Variants in SPON1 observed in about 807,000 individuals in gnomAD.
The protein encoded by SPON1 is spondin-1.
In SPON1, 52 loss-of-function variants were observed where a neutral mutation model predicts 111.7. The ratio of observed to expected loss-of-function variants is 0.47; its 90% confidence interval spans 0.37 to 0.59. SPON1 has a LOEUF of 0.59. SPON1 is among the 20% of genes least tolerant of loss of function. SPON1 has a pLI of 0.00. For missense variants in SPON1, 957 were observed against 1,068.5 expected, an observed-to-expected ratio of 0.90 and a Z score of 1.46; for synonymous variants, 410 against 395.8, an observed-to-expected ratio of 1.04 and a Z score of -0.43.
At position 14,011,782 on chromosome 11, in the gene SPON1, G is replaced by A. The variant is rs114129283; in HGVS notation, c.345+28829G>A. On this transcript the variant is annotated intron_variant, in intron 2 of 15. Transcript: ENST00000576479. ...TAGAGAGTGGATGAGGATGGAAGAG[G>A]AGGAGTGTTGCTTGGAGAGGCCTGG... 5.2e-3 allele frequency among the ~76,000 whole-genome samples: 797 copies of A among 152,262 alleles called. 9 individuals carry two copies. The highest frequency in any genetic ancestry group is 0.018 in the African/African-American group (736 of 41,536).
In SPON1 at chr11:14,204,219, G is replaced by A. The variant is rs58453997; in HGVS notation, c.826-39113G>A. On this transcript the variant is annotated intron_variant, in intron 6 of 15. Transcript: ENST00000576479. ...CAGGGACTGAGGGAGGAAGGGTACA[G>A]CTCTTGGGCACATCCCCTTGGCTCC... Among the ~76,000 whole-genome samples, 1,049 of 152,320 alleles carry A rather than the reference G, an allele frequency of 6.9e-3. 13 individuals are homozygous for A. Among genetic ancestry groups the A allele is most frequent in the African/African-American group, 0.025 (1,022 of 41,568 alleles).
chr11:14,054,696 T>C (rs1848731828), intron 3 of SPON1, among the ~76,000 whole-genome samples: 1 of 151,882 alleles, frequency 6.6e-6, no homozygotes, highest in African/African-American at 2.4e-5. Context: ...GAATGGGGAA[T>C]GATGGGGGTG....
intron 5 of SPON1, among the ~76,000 whole-genome samples, chr11:14,129,286 T>C (rs1227846889): frequency 3.9e-5 from 6 of 152,200 alleles, no homozygotes; most frequent in African/African-American, 1.4e-4. Flanking sequence ...CATATGACTA[T>C]ATGCTTTTAG....
chr11:14,187,371 C>A (rs1336279459), intron 6 of SPON1, among the ~76,000 whole-genome samples: 4 of 152,178 alleles, frequency 2.6e-5, no homozygotes, highest in African/African-American at 9.7e-5. Flanking sequence ...ACCTGTCTGA[C>A]CCCATAGCCT....
chr11:14,172,438 C>G lies in SPON1; in HGVS notation c.825+36870C>G, dbSNP rs1392659873. Among the ~76,000 whole-genome samples the G allele has an allele frequency of 9.5e-4, 144 of 151,712 alleles. 2 individuals carry two copies. Among genetic ancestry groups the G allele is most frequent in the African/African-American group, 2.6e-3 (107 of 41,388 alleles). On this transcript the variant is annotated intron_variant, in intron 6 of 15. Transcript: ENST00000576479. ...TACAGCACACTGATGGGTCTTGACT[C>G]TTTATCCAATTTGCCAGTCTGTGTC...
At chr11:14,127,483 T>C (rs1438944827) in intron 5 of SPON1, among the ~76,000 whole-genome samples, 1 of 152,138 alleles carries the variant, frequency 6.6e-6, no homozygotes, top group Non-Finnish European at 1.5e-5. Context: ...TTTGGTCTCC[T>C]CACCTTCAGA....
At chr11:14,151,961 C>T (rs1847793135) in intron 6 of SPON1, among the ~76,000 whole-genome samples, 2 of 152,172 alleles carry the variant, frequency 1.3e-5, no homozygotes. Flanking sequence ...CCCTCCTTGC[C>T]AGAATACCTT....
intron 2 of SPON1, among the ~76,000 whole-genome samples, chr11:13,995,948 G>A (rs1162193287): frequency 1.3e-5 from 2 of 152,220 alleles, no homozygotes; most frequent in Admixed American, 6.5e-5. Context: ...TGGGTAGTGA[G>A]TGCTGATTTG....
intron 6 of SPON1, among the ~76,000 whole-genome samples, chr11:14,146,975 T>A (rs531388100): frequency 1.3e-5 from 2 of 150,006 alleles, no homozygotes; most frequent in East Asian, 3.9e-4. Flanking sequence ...TAAATATTTT[T>A]AAATGAAAAC....
intron 1 of SPON1, among the ~76,000 whole-genome samples, chr11:13,980,693 T>C (rs571747460): frequency 6.6e-6 from 1 of 152,340 alleles, no homozygotes; most frequent in East Asian, 1.9e-4. Flanking sequence ...AACAGGAGGC[T>C]GCATATCATA....
At chr11:14,097,351 A>T (rs1407026419) in intron 5 of SPON1, among the ~76,000 whole-genome samples, 1 of 152,156 alleles carries the variant, frequency 6.6e-6, no homozygotes, top group African/African-American at 2.4e-5. Flanking sequence ...ACTTGAAGAG[A>T]TTTTAATTTT....
chr11:14,096,947 A>T (rs537576673), intron 5 of SPON1, among the ~76,000 whole-genome samples: 39 of 152,336 alleles, frequency 2.6e-4, no homozygotes, highest in African/African-American at 8.9e-4. Context: ...ATAGAATTTT[A>T]TGTTGCTATA....
intron 5 of SPON1, among the ~76,000 whole-genome samples, chr11:14,094,852 G>A (rs1849086192): frequency 6.6e-6 from 1 of 152,220 alleles, no homozygotes. Flanking sequence ...GTGTGTGGGA[G>A]GATGCGCAAG....
Position 14,112,935 on chromosome 11 carries a change from C to T in SPON1, c.677-22485C>T, listed in dbSNP as rs1591378750. 1.3e-5 allele frequency among the ~76,000 whole-genome samples: 2 copies of T among 152,296 alleles called. 1 individual carries two copies. Among genetic ancestry groups the T allele is most frequent in the East Asian group, 3.9e-4 (2 of 5,176 alleles). On this transcript the variant is annotated intron_variant, in intron 5 of 15. Coordinates refer to ENST00000576479, the MANE Select transcript of SPON1 (RefSeq NM_006108.4). ...GCTCCTAATCCCTGATCTCGCCTAA[C>T]ACCAGGGGATTTCTGGCCTGCCTGC...
At chr11:14,084,077 A>G (rs1848985807) in intron 5 of SPON1, among the ~76,000 whole-genome samples, 1 of 152,104 alleles carries the variant, frequency 6.6e-6, no homozygotes, top group Non-Finnish European at 1.5e-5. Flanking sequence ...AAATATGTTT[A>G]CTCAAAGGCA....
At chr11:14,257,272 A>C (rs1054213877) in intron 10 of SPON1, among the ~76,000 whole-genome samples, 4 of 152,230 alleles carry the variant, frequency 2.6e-5, no homozygotes, top group Non-Finnish European at 4.4e-5. Context: ...TAAGGCTCTT[A>C]GAATGGTGCT....
chr11:13,972,956 T>G lies in SPON1; in HGVS notation c.238+9814T>G, dbSNP rs140447854. 3.7e-3 allele frequency among the ~76,000 whole-genome samples: 559 copies of G among 152,296 alleles called. 3 individuals carry two copies. Among genetic ancestry groups the G allele is most frequent in the Middle Eastern group, 6.8e-3 (2 of 294 alleles). ...GTCATTCCATCTCTCTCTCTCTCTCTGTCCCCCGTTCCCTCCTTCGCTCTA... is the reference window on the plus strand; with the variant it reads ...GTCATTCCATCTCTCTCTCTCTCTCGGTCCCCCGTTCCCTCCTTCGCTCTA... On this transcript the variant is annotated intron_variant, in intron 1 of 15. Coordinates refer to ENST00000576479, the MANE Select transcript of SPON1 (RefSeq NM_006108.4).
chr11:14,075,473 C>T, intron 4 of SPON1, 55 bp downstream of exon 4: 9 of 1,250,956 alleles, frequency 7.2e-6, no homozygotes, highest in Non-Finnish European at 1.0e-5. Flanking sequence ...GGCAGCTCCT[C>T]CTGCACGATC....
chr11:14,222,260 A>G (rs1554937671), intron 6 of SPON1, among the ~76,000 whole-genome samples: 1 of 152,230 alleles, frequency 6.6e-6, no homozygotes, highest in African/African-American at 2.4e-5. Context: ...TTGTGACATA[A>G]GCCAGGTTTC....
Sources: allele counts gnomAD v4.1 joint callset (sites outside exome capture counted in the v4.1 genomes callset), GRCh38; gene constraint gnomAD v4.1.1; transcripts MANE v1.5; gene names NCBI Gene and HGNC (gene_info 2026-07-23, HGNC 2026-07-21).